The following TYW1 variants were observed in gnomAD, a reference collection of about 807,000 sequenced individuals.
The protein encoded by TYW1 is tRNA-yW synthesizing protein 1 homolog.
In TYW1, 46 loss-of-function variants were observed where a neutral mutation model predicts 96.2. The ratio of observed to expected loss-of-function variants is 0.48; its 90% CI spans 0.38 to 0.61. The LOEUF is 0.61. Ranked by LOEUF, TYW1 falls within the 20% of genes least tolerant of loss-of-function variation. The pLI is 0.00. For synonymous variants in TYW1, 274 were observed against 323.0 expected (o/e 0.85, Z 1.63); for missense variants, 684 against 909.6 (o/e 0.75, Z 3.19).
chr7:67,134,031 C>G (rs1798169758), intron 13 of TYW1, among the ~76,000 whole-genome samples: 1 of 151,958 alleles, frequency 6.6e-6, no homozygotes, highest in African/African-American at 2.4e-5. Flanking sequence ...AGCATCAACT[C>G]CAGACTTGCA....
At chr7:67,205,958 G>A (rs1392425946) in intron 15 of TYW1, among the ~76,000 whole-genome samples, 2 of 152,176 alleles carry the variant, frequency 1.3e-5, no homozygotes, top group Non-Finnish European at 2.9e-5. Flanking sequence ...CTACCTTTGA[G>A]AATCTTTTTG....
chr7:67,235,645 A>G (rs1456252250), intron 15 of TYW1, among the ~76,000 whole-genome samples: 1 of 152,128 alleles, frequency 6.6e-6, no homozygotes, highest in Admixed American at 6.5e-5. Flanking sequence ...TTATCCCAGC[A>G]CTTTGGGAGG....
chr7:67,119,898 C>T (rs1295707229), intron 13 of TYW1, among the ~76,000 whole-genome samples: 2 of 152,148 alleles, frequency 1.3e-5, no homozygotes, highest in African/African-American at 4.8e-5. Flanking sequence ...AACGGTCCTC[C>T]TTCCTCAGCC....
At position 67,013,116 on chromosome 7, in the gene TYW1, T is replaced by C. The variant is rs929227667; in HGVS notation, c.376-1251T>C. Among the ~76,000 whole-genome samples the C allele has an allele frequency of 1.3e-3, 193 of 147,166 alleles. 1 individual carries two copies. Among genetic ancestry groups the C allele is most frequent in the East Asian group, 8.4e-3 (41 of 4,898 alleles). On this transcript the variant is annotated intron_variant, in intron 4 of 15. Transcript: ENST00000359626. ...AGATCTCTCTGTATTTTTTCTTTTCTTTTCTTTTTTTTTTTTGAGATGGAG... is the reference window on the plus strand; with the variant it reads ...AGATCTCTCTGTATTTTTTCTTTTCCTTTCTTTTTTTTTTTTGAGATGGAG...
chr7:67,079,523 C>G (rs1382819966), intron 10 of TYW1, among the ~76,000 whole-genome samples: 1 of 148,426 alleles, frequency 6.7e-6, no homozygotes, highest in East Asian at 2.0e-4. Context: ...AATGGTTTGT[C>G]GATGTTTATC....
At chr7:67,210,110 C>T (rs570113079) in intron 15 of TYW1, among the ~76,000 whole-genome samples, 29 of 152,254 alleles carry the variant, frequency 1.9e-4, no homozygotes, top group Middle Eastern at 3.4e-3. Context: ...GTTCTAGGAT[C>T]CCATTACATT....
At chr7:67,013,965 G>C (rs549586928) in intron 4 of TYW1, among the ~76,000 whole-genome samples, 3 of 151,658 alleles carry the variant, frequency 2.0e-5, no homozygotes, top group Non-Finnish European at 4.4e-5. Flanking sequence ...GGATGGTCTC[G>C]ATCTCCTGAC....
At chr7:67,145,509 A>G (rs1798582539) in intron 13 of TYW1, among the ~76,000 whole-genome samples, 2 of 152,126 alleles carry the variant, frequency 1.3e-5, no homozygotes, top group East Asian at 1.9e-4. Context: ...AATTTTTCCC[A>G]ATTAAAATAG....
intron 13 of TYW1, among the ~76,000 whole-genome samples, chr7:67,137,824 C>G (rs560782202): frequency 1.1e-4 from 17 of 152,324 alleles, no homozygotes; most frequent in African/African-American, 4.1e-4. Context: ...GCCTAGTTTT[C>G]TCATCTCTGT....
chr7:67,035,124 C>CT (rs544228034), intron 7 of TYW1, among the ~76,000 whole-genome samples: 21,586 of 143,902 alleles, frequency 0.15, 1,962 homozygotes, highest in East Asian at 0.46. Context: ...ACATTTCTTT[C>CT]TTTTTTTTTT....
At chr7:67,193,650 A>G (rs774511631) in intron 14 of TYW1, among the ~76,000 whole-genome samples, 80 of 151,940 alleles carry the variant, frequency 5.3e-4, no homozygotes, top group Non-Finnish European at 7.4e-4. Flanking sequence ...TCCCAGCTAC[A>G]TGGGAGGCTA....
intron 13 of TYW1, among the ~76,000 whole-genome samples, chr7:67,160,943 C>G (rs1275619990): frequency 6.6e-6 from 1 of 152,106 alleles, no homozygotes; most frequent in Non-Finnish European, 1.5e-5. Context: ...TTCACCCTCC[C>G]CAAGTGGATA....
At chr7:67,123,335 T>C (rs2116011143) in intron 13 of TYW1, among the ~76,000 whole-genome samples, 1 of 152,324 alleles carries the variant, frequency 6.6e-6, no homozygotes, top group Non-Finnish European at 1.5e-5. Flanking sequence ...TTAGCTAAAA[T>C]ACTATCCTGC....
At chr7:67,237,436 C>T (rs1433945816) in intron 15 of TYW1, among the ~76,000 whole-genome samples, 1 of 149,294 alleles carries the variant, frequency 6.7e-6, no homozygotes, top group Non-Finnish European at 1.5e-5. Flanking sequence ...GGAGGCAGAG[C>T]TTGCAGTGAG....
At chr7:67,010,102 CT>C (rs1336881468) in intron 4 of TYW1, among the ~76,000 whole-genome samples, 1 of 151,876 alleles carries the variant, frequency 6.6e-6, no homozygotes, top group African/African-American at 2.4e-5. Context: ...CTGCCTCAGC[CT>C]CCCAAGTAGC....
chr7:67,097,804 C>T (rs1796964917), intron 11 of TYW1, among the ~76,000 whole-genome samples: 1 of 151,672 alleles, frequency 6.6e-6, no homozygotes, highest in Non-Finnish European at 1.5e-5. Flanking sequence ...GTGATCTTCC[C>T]ACCTCAGCCT....
intron 14 of TYW1, among the ~76,000 whole-genome samples, chr7:67,184,121 T>C (rs1799927138): frequency 6.6e-6 from 1 of 152,222 alleles, no homozygotes; most frequent in Admixed American, 6.5e-5. Context: ...GCCCGGCTGA[T>C]GTGTATTCTT....
Position 67,024,959 on chromosome 7 carries a change from C to G in TYW1, c.921C>G (p.Ser307Arg). 1.2e-6 allele frequency: 2 copies of G among 1,613,698 alleles called. No individual in the cohort carries two copies. The highest frequency in any genetic ancestry group is 1.7e-6 in the Non-Finnish European group (2 of 1,179,822). Residue 307 changes from serine (S) to arginine (R), a missense_variant, in exon 7 of 16, where the codon AGC (serine) becomes AGG (arginine). Physicochemically the swap from Ser to Arg is moderately radical, Grantham distance 110. Transcript: ENST00000359626. ...AGTTTGGTGGTGAGGACCATCAGAG[C>G]CTAAATTCCATTGTTGATGTTGAAG... is the stretch of plus-strand genomic sequence containing the variant. ...EEEFGGEDHQSLNSIVDVEDL... is the reference protein window; with the variant it reads ...EEEFGGEDHQRLNSIVDVEDL...
chr7:67,197,952 T>TGCCCCCCC (rs1563067011), intron 15 of TYW1, among the ~76,000 whole-genome samples: 1 of 125,976 alleles, frequency 7.9e-6, no homozygotes, highest in Non-Finnish European at 1.6e-5. Context: ...CTCCCTTCCC[T>TGCCCCCCC]ACCCCTGCCC....
Sources: gnomAD v4.1 joint callset for allele counts (sites outside exome capture counted in the v4.1 genomes callset) on GRCh38, gnomAD v4.1.1 for gene constraint, MANE v1.5 for transcripts, NCBI Gene and HGNC (gene_info 2026-07-23, HGNC 2026-07-21) for gene names.